NBEAL2: variants seen among roughly 807,000 people sequenced by gnomAD.
NBEAL2 encodes the protein neurobeachin like 2.
NBEAL2 carries 160 observed loss-of-function variants against 299.8 expected under a neutral mutation model. The ratio of observed to expected loss-of-function variants is 0.53; its 90% CI spans 0.47 to 0.61. NBEAL2 has a LOEUF of 0.61. NBEAL2 is among the 20% of genes least tolerant of loss of function. The pLI is 0.00. For missense variants in NBEAL2, 3,112 were observed against 3,649.0 expected (o/e 0.85, Z 3.79); for synonymous variants, 1,493 against 1,542.3 (o/e 0.97, Z 0.75).
chr3:47,007,709 C>A lies in NBEAL2; in HGVS notation c.7507+12C>A. On this transcript the variant is annotated intron_variant, in intron 48 of 53. Coordinates refer to ENST00000450053, the MANE Select transcript of NBEAL2 (RefSeq NM_015175.3). ...CAGCTGCCACCTTGGTATGAACAGC[C>A]TTGGAGCTGGGGAGAATGAGGCACA... The A allele has an allele frequency of 1.2e-6, 2 of 1,609,454 alleles. No individual in the cohort carries two copies. The highest frequency in any genetic ancestry group is 2.2e-5 in the South Asian group (2 of 90,630).
rs959973276 is a variant in NBEAL2 at position 47,009,304 on chromosome 3, C to T, written c.8249C>T (p.Pro2750Leu). The T allele has an allele frequency of 3.1e-6, 5 of 1,598,178 alleles. No individual in the cohort carries two copies. The African/African-American group carries it at 4.0e-5, about 13-fold the overall frequency. The change falls in exon 54 of 54, where the codon CCT becomes CTT. Residue 2750 changes from proline to leucine, a missense_variant. Physicochemically the swap from Pro to Leu is moderately conservative, Grantham distance 98. Transcript: ENST00000450053. ...QVSSGETEYNPTEAR is the reference protein window; with the variant it reads ...QVSSGETEYNLTEAR Reference sequence around the variant, plus strand: ...TCCTCGGGAGAGACGGAATACAACCCTACTGAGGCGCGCTGAACCTGGCCA... The same window carrying T: ...TCCTCGGGAGAGACGGAATACAACCTTACTGAGGCGCGCTGAACCTGGCCA...
rs1445920567 is a variant in NBEAL2, at chr3:46,998,185, A to G, written c.3077A>G (p.Asn1026Ser). Residue 1026 changes from asparagine to serine, a missense_variant, in exon 21 of 54, where the codon AAC becomes AGC. Physicochemically the swap from Asn to Ser is conservative, Grantham distance 46. Coordinates refer to ENST00000450053, the MANE Select transcript of NBEAL2 (RefSeq NM_015175.3). ...LYLLYQHLLF[N>S]FHLWTLSDFA... ...CTACTCTACCAGCATTTGCTCTTCAACTTTCACCTCTGGACCCTCAGTGAC... is the reference window on the plus strand; with the variant it reads ...CTACTCTACCAGCATTTGCTCTTCAGCTTTCACCTCTGGACCCTCAGTGAC... The G allele has an allele frequency of 5.0e-6, 8 of 1,609,666 alleles. No homozygotes were observed. The highest frequency in any genetic ancestry group is 6.8e-6 in the Non-Finnish European group (8 of 1,178,256).
In NBEAL2 at chr3:46,998,768, C is replaced by T; in HGVS notation, c.3273C>T (p.Thr1091=). Residue 1091 remains threonine, a synonymous_variant, in exon 23 of 54, where the codon ACC becomes ACT. Transcript: ENST00000450053. ...CTGACGACCTACGCACCGTGCAGAC[C>T]TCCCTCCTGGGCCTGGCGAGGGAGT... The part of the protein sequence containing the change: ...LAADDLRTVQ[T]SLLGLAREFL... 1 of 1,576,304 alleles carries T rather than the reference C, an allele frequency of 6.3e-7. No individual in the cohort carries two copies.
Position 47,004,900 on chromosome 3 carries a change from G to A in NBEAL2, c.6295-72G>A, listed in dbSNP as rs990424696. 1.5e-5 allele frequency: 23 copies of A among 1,551,644 alleles called. No individual in the cohort carries two copies. Among genetic ancestry groups the A allele is most frequent in the Non-Finnish European group, 2.0e-5 (23 of 1,147,588 alleles). ...AGGCTCTGTGCCCGCCTTCTTGAGG[G>A]TGTGGGCAGGGCAGGGTGGGCTGGT... On this transcript the variant is annotated intron_variant, in intron 38 of 53. Transcript: ENST00000450053. This position sits in a 1 kb window ranked among gnomAD's most constrained non-coding sequence, Gnocchi z 5.0.
Position 46,993,940 on chromosome 3 carries a change from C to T in NBEAL2, c.1117C>T (p.Leu373=). The change falls in exon 11 of 54, where the codon CTG becomes TTG. Residue 373 remains leucine (L), a synonymous_variant. Coordinates refer to ENST00000450053, the MANE Select transcript of NBEAL2 (RefSeq NM_015175.3). ...LLTEPDVQKV[L]DQDTDAIAVH... is the part of the protein sequence containing the mutation. ...GATGGCCCCTCCCCACCCCAAGGTC[C>T]TGGACCAAGACACAGACGCCATTGC... 2.5e-6 allele frequency: 4 copies of T among 1,610,124 alleles called. No homozygotes were observed. Among genetic ancestry groups the T allele is most frequent in the Non-Finnish European group, 3.4e-6 (4 of 1,178,496 alleles).
chr3:46,988,985 C>T lies in NBEAL2; in HGVS notation c.269+15C>T. The stretch of plus-strand genomic sequence containing the variant: ...ATTCTCTGCAGGTGTCTCTGTTGTC[C>T]ACTCTACAAGCAGGGGCCTAGAACT... On this transcript the variant is annotated intron_variant, in intron 3 of 53. Transcript: ENST00000450053. The surrounding 1 kb of genome is among the most constrained non-coding windows in gnomAD (Gnocchi z 4.4). 1 of 1,612,662 alleles carries T rather than the reference C, an allele frequency of 6.2e-7. No homozygotes were observed. Among genetic ancestry groups the T allele is most frequent in the South Asian group, 1.1e-5 (1 of 90,948 alleles).
intron 11 of NBEAL2, 85 bp downstream of exon 11, chr3:46,994,105 C>T: frequency 2.2e-6 from 3 of 1,352,574 alleles, no homozygotes; most frequent in Non-Finnish European, 3.1e-6. Flanking sequence ...GGCCGGTGGC[C>T]ATAAGCATCC....
intron 52 of NBEAL2, 86 bp downstream of exon 52, chr3:47,008,754 C>T: frequency 6.4e-7 from 1 of 1,555,282 alleles, no homozygotes; most frequent in Non-Finnish European, 8.7e-7. Context: ...ACACACCATA[C>T]ATGTTTGTGG....
In NBEAL2 at chr3:46,998,914, G is replaced by A. The variant is rs763394264; in HGVS notation, c.3384+35G>A. On this transcript the variant is annotated intron_variant, in intron 23 of 53. Transcript: ENST00000450053. The stretch of plus-strand genomic sequence containing the variant: ...AGGTTGGGGAGCGGGAGGCTTGGGT[G>A]AGGGGAGTGGGGGCCCGACACAGTG... 1.3e-5 allele frequency: 21 copies of A among 1,598,966 alleles called. No homozygotes were observed. In the East Asian group the frequency reaches 4.5e-4, roughly 34 times the overall value.
Position 46,991,152 on chromosome 3 carries a change from T to C in NBEAL2, c.557-67T>C. On this transcript the variant is annotated intron_variant, in intron 6 of 53. Coordinates refer to ENST00000450053, the MANE Select transcript of NBEAL2 (RefSeq NM_015175.3). This position sits in a 1 kb window ranked among gnomAD's most constrained non-coding sequence, Gnocchi z 6.2. Reference sequence around the variant, plus strand: ...TCCACCCCAGGGCACTCACCTCTTGTGCAGCCCCCTGGGTCCATAGCCCTG... The same window carrying C: ...TCCACCCCAGGGCACTCACCTCTTGCGCAGCCCCCTGGGTCCATAGCCCTG... The C allele has an allele frequency of 7.1e-7, 1 of 1,405,722 alleles. No individual in the cohort carries two copies. The highest frequency in any genetic ancestry group is 9.9e-7 in the Non-Finnish European group (1 of 1,012,862). The allele number at this position is 1,405,722 out of a possible 1,614,324, so 87.1% of individuals were successfully genotyped here.
rs1288903756 is a variant in NBEAL2, at chr3:46,997,276, T to C, written c.2667T>C (p.Val889=). The C allele has an allele frequency of 1.2e-6, 2 of 1,612,772 alleles. No individual in the cohort carries two copies. Among genetic ancestry groups the C allele is most frequent in the South Asian group, 2.2e-5 (2 of 91,068 alleles). Residue 889 remains valine (V), a synonymous_variant, in exon 19 of 54, where the codon GTT becomes GTC. Transcript: ENST00000450053. ...TCCCCCAGGATGTGGTGAACTGCGTTGGGGGTATGGGTGCCCTGCTGCCCC... is the reference window on the plus strand; with the variant it reads ...TCCCCCAGGATGTGGTGAACTGCGTCGGGGGTATGGGTGCCCTGCTGCCCC... ...TWDVKDVVNC[V]GGMGALLPLL... is the part of the protein sequence containing the mutation.
chr3:46,996,027 C>T lies in NBEAL2; in HGVS notation c.2127C>T (p.Pro709=), dbSNP rs749224194. The change falls in exon 15 of 54, where the codon CCC becomes CCT. Residue 709 remains proline, a synonymous_variant. Transcript: ENST00000450053. ...ACGGCCATCTGGTCAAGACAGCACC[C>T]CTTCGCTGCCCCTCCCTCAGTGAGG... ...YKDGHLVKTA[P]LRCPSLSEPF... is the part of the protein sequence containing the mutation. 6.2e-7 allele frequency: 1 copy of T among 1,609,906 alleles called. No individual in the cohort carries two copies. Among genetic ancestry groups the T allele is most frequent in the Non-Finnish European group, 8.5e-7 (1 of 1,178,326 alleles).
At position 47,007,226 on chromosome 3, in the gene NBEAL2, C is replaced by T; in HGVS notation, c.7225-15C>T. 1.2e-6 allele frequency: 2 copies of T among 1,610,398 alleles called. No individual in the cohort carries two copies. The highest frequency in any genetic ancestry group is 1.7e-6 in the Non-Finnish European group (2 of 1,178,210). Reference sequence around the variant, plus strand: ...CCTCTGCCAGAAACCCACCTCTGCCCCCTCCTGCCTGCAGGTGACTGTGAG... The same window carrying T: ...CCTCTGCCAGAAACCCACCTCTGCCTCCTCCTGCCTGCAGGTGACTGTGAG... On this transcript the variant is annotated splice_polypyrimidine_tract_variant and intron_variant, in intron 46 of 53. Coordinates refer to ENST00000450053, the MANE Select transcript of NBEAL2 (RefSeq NM_015175.3).
Position 46,991,459 on chromosome 3 carries a change from G to A in NBEAL2, c.696G>A (p.Val232=). 1 of 1,612,096 alleles carries A rather than the reference G, an allele frequency of 6.2e-7. No individual in the cohort carries two copies. The highest frequency in any genetic ancestry group is 1.1e-5 in the South Asian group (1 of 90,964). The change falls in exon 8 of 54, where the codon GTG becomes GTA. Residue 232 remains valine (V), a synonymous_variant. Transcript: ENST00000450053. This position sits in a 1 kb window ranked among gnomAD's most constrained non-coding sequence, Gnocchi z 6.2. ...SDGSVKGLLS[V]VRGWSRGPAP... Reference sequence around the variant, plus strand: ...GCTCTGTGAAGGGCCTGCTGAGTGTGGTGCGGGGCTGGAGCCGTGGGCCAG... The same window carrying A: ...GCTCTGTGAAGGGCCTGCTGAGTGTAGTGCGGGGCTGGAGCCGTGGGCCAG...
At chr3:47,005,642 G>A in intron 41 of NBEAL2, 23 bp downstream of exon 41, 1 of 1,613,400 alleles carries the variant, frequency 6.2e-7, no homozygotes, top group Admixed American at 1.7e-5. Flanking sequence ...TGCTCACACT[G>A]GAGCGGGCAG....
chr3:46,994,565 G>A lies in NBEAL2; in HGVS notation c.1296+12G>A, dbSNP rs2036336372. Reference sequence around the variant, plus strand: ...AGCTGCTCAACATGGTGAGGGAAGGGGCTTGGGACCAGGGTCCCAAAGGCA... The same window carrying A: ...AGCTGCTCAACATGGTGAGGGAAGGAGCTTGGGACCAGGGTCCCAAAGGCA... On this transcript the variant is annotated intron_variant, in intron 12 of 53. Coordinates refer to ENST00000450053, the MANE Select transcript of NBEAL2 (RefSeq NM_015175.3). 5.1e-6 allele frequency: 8 copies of A among 1,564,516 alleles called. No homozygotes were observed. Among genetic ancestry groups the A allele is most frequent in the African/African-American group, 1.4e-5 (1 of 73,704 alleles).
At position 47,003,431 on chromosome 3, in the gene NBEAL2, C is replaced by T. The variant is rs2037186614; in HGVS notation, c.5720+122C>T. ...CTCTTCTGCTGCCCGACTACGTCCC[C>T]CTGAAGGGACTGTCCAAAGCCAGAT... On this transcript the variant is annotated intron_variant, in intron 35 of 53. Transcript: ENST00000450053. The surrounding 1 kb of genome is among the most constrained non-coding windows in gnomAD (Gnocchi z 7.0). 7.3e-7 allele frequency: 1 copy of T among 1,375,736 alleles called. No homozygotes were observed. The highest frequency in any genetic ancestry group is 1.4e-5 in the South Asian group (1 of 69,230). 85.2% of individuals were successfully genotyped at this position (1,375,736 alleles called of 1,614,324 possible). A position where few individuals can be genotyped will look rare whatever the true frequency, so the allele number is the denominator to read the frequency against.
rs755242637 is a variant in NBEAL2 at position 47,005,704 on chromosome 3, A to T, written c.6692-34A>T. The T allele has an allele frequency of 2.5e-6, 4 of 1,612,776 alleles. No individual in the cohort carries two copies. In the East Asian group the frequency reaches 8.9e-5, roughly 36 times the overall value. On this transcript the variant is annotated intron_variant, in intron 41 of 53. Transcript: ENST00000450053. The stretch of plus-strand genomic sequence containing the variant: ...AGTGGCCAGGGGGCAGTCGGGATGG[A>T]CAGGGAGACAGCTGACCCAGTCCTC...
intron 1 of NBEAL2, among the ~76,000 whole-genome samples, chr3:46,983,498 C>T (rs1044539798): frequency 2.6e-5 from 4 of 151,862 alleles, no homozygotes; most frequent in African/African-American, 7.3e-5. Context: ...TTAGTAGAGA[C>T]GGGGTTTCAC....
Sources: allele counts gnomAD v4.1 joint callset (sites outside exome capture counted in the v4.1 genomes callset), GRCh38; gene constraint gnomAD v4.1.1; non-coding constraint Gnocchi (gnomAD v3.1); transcripts MANE v1.5; gene names NCBI Gene and HGNC (gene_info 2026-07-23, HGNC 2026-07-21).